BRD10: variants seen among roughly 807,000 people sequenced by gnomAD.
BRD10 encodes uncharacterized bromodomain-containing protein 10.
the BRD10 span, chr9:6,008,105 T>G: frequency 1.0e-6 from 1 of 983,102 alleles, no homozygotes; most frequent in Non-Finnish European, 1.2e-6. Context: ...CGCCTGCTCT[T>G]CACCGGCCAG....
chr9:5,905,808 A>T, the BRD10 span, among the ~76,000 whole-genome samples: 1 of 152,152 alleles, frequency 6.6e-6, no homozygotes, highest in Non-Finnish European at 1.5e-5. Flanking sequence ...TATAAAACCA[A>T]ATCATAACCC....
chr9:5,940,025 C>A, the BRD10 span, among the ~76,000 whole-genome samples: 89 of 152,236 alleles, frequency 5.8e-4, 1 homozygote, highest in Admixed American at 2.4e-3. Context: ...CTAATGTACA[C>A]CCTTTGGTTA....
chr9:5,973,570 A>C, the BRD10 span, among the ~76,000 whole-genome samples: 1 of 152,232 alleles, frequency 6.6e-6, no homozygotes, highest in Non-Finnish European at 1.5e-5. Context: ...AGACCAAAGA[A>C]ACACAAATCA....
chr9:5,928,409 A>G, the BRD10 span, among the ~76,000 whole-genome samples: 1 of 152,306 alleles, frequency 6.6e-6, no homozygotes, highest in East Asian at 1.9e-4. Flanking sequence ...TTCCCTGCTT[A>G]AAACCCTTCA....
At chr9:6,003,458 T>C in the BRD10 span, among the ~76,000 whole-genome samples, 1 of 152,216 alleles carries the variant, frequency 6.6e-6, no homozygotes, top group Non-Finnish European at 1.5e-5. Flanking sequence ...TAATGTTAAT[T>C]GCTATTTCTC....
the BRD10 span, among the ~76,000 whole-genome samples, chr9:5,950,433 G>C: frequency 6.6e-6 from 1 of 152,134 alleles, no homozygotes; most frequent in African/African-American, 2.4e-5. Flanking sequence ...TGGAATCATG[G>C]AGAAGTTAAA....
At chr9:5,921,040 C>T in the BRD10 span, 1 of 1,613,930 alleles carries the variant, frequency 6.2e-7, no homozygotes, top group Non-Finnish European at 8.5e-7. Flanking sequence ...TAACTGAAAG[C>T]ACATTTACTG....
chr9:5,995,534 T>G, the BRD10 span, among the ~76,000 whole-genome samples: 1 of 152,222 alleles, frequency 6.6e-6, no homozygotes, highest in Non-Finnish European at 1.5e-5. Context: ...TCTAAACTGC[T>G]GATCCAATTC....
At chr9:5,919,585 A>G in the BRD10 span, 1 of 351,198 alleles carries the variant, frequency 2.8e-6, no homozygotes, top group Non-Finnish European at 4.5e-6. Context: ...CACACACACA[A>G]TGTATAGTAT....
the BRD10 span, among the ~76,000 whole-genome samples, chr9:5,952,414 A>G: frequency 6.6e-6 from 1 of 152,214 alleles, no homozygotes; most frequent in African/African-American, 2.4e-5. Flanking sequence ...GTGTACACAC[A>G]TACAATTGAA....
At chr9:5,968,372 C>G in the BRD10 span, 17 of 1,610,590 alleles carry the variant, frequency 1.1e-5, no homozygotes, top group Non-Finnish European at 1.4e-5. Context: ...GGAAGCTTCA[C>G]CGTATTTTTC....
chr9:5,969,338 ATAC>A, the BRD10 span: 2 of 1,613,480 alleles, frequency 1.2e-6, no homozygotes, highest in Non-Finnish European at 1.7e-6. Context: ...CATGGTCTCC[ATAC>A]AAGTTGGAGC....
the BRD10 span, chr9:5,899,382 C>T: frequency 6.6e-6 from 1 of 152,170 alleles, no homozygotes; most frequent in African/African-American, 2.4e-5. Flanking sequence ...TCTCATGTCT[C>T]ATGTCTCCTG....
the BRD10 span, among the ~76,000 whole-genome samples, chr9:5,933,470 G>A: frequency 2.0e-5 from 3 of 152,074 alleles, no homozygotes; most frequent in South Asian, 4.1e-4. Context: ...CAATGTCCAC[G>A]GCAGCTGCAG....
At chr9:5,965,545 T>G in the BRD10 span, among the ~76,000 whole-genome samples, 146 of 152,344 alleles carry the variant, frequency 9.6e-4, no homozygotes, top group African/African-American at 3.4e-3. Context: ...CAGTAGAGAT[T>G]ATATGTTTGA....
chr9:5,924,607 A>T, the BRD10 span: 232 of 1,158,678 alleles, frequency 2.0e-4, no homozygotes, highest in South Asian at 3.0e-4. Context: ...GCAAACAAAA[A>T]CTTCTCTTTG....
the BRD10 span, among the ~76,000 whole-genome samples, chr9:5,978,547 C>T: frequency 6.6e-6 from 1 of 152,080 alleles, no homozygotes; most frequent in African/African-American, 2.4e-5. Context: ...TCAAGTCCAT[C>T]AGTCAACCTT....
chr9:5,935,900 C>T, the BRD10 span, among the ~76,000 whole-genome samples: 135,065 of 152,168 alleles, frequency 0.89, 60,956 homozygotes, highest in Non-Finnish European at 0.99. Context: ...TATTTAAAAA[C>T]TGATTAAAAT....
At chr9:5,892,168 T>C in the BRD10 span, among the ~76,000 whole-genome samples, 1 of 152,240 alleles carries the variant, frequency 6.6e-6, no homozygotes, top group Non-Finnish European at 1.5e-5. Context: ...GAATATTTTT[T>C]CACCAAATAA....
Sources: allele counts gnomAD v4.1 joint callset (sites outside exome capture counted in the v4.1 genomes callset), GRCh38; gene constraint gnomAD v4.1.1; transcripts MANE v1.5; gene names NCBI Gene and HGNC (gene_info 2026-07-23, HGNC 2026-07-21).